The following DLGAP1 variants were observed in gnomAD, a reference collection of about 807,000 sequenced individuals.
DLGAP1 encodes disks large-associated protein 1.
DLGAP1 carries 11 observed loss-of-function variants against 90.8 expected under a neutral mutation model. That is an observed-to-expected ratio of 0.12 (90% CI 0.08 to 0.20). The LOEUF (loss-of-function observed/expected upper bound fraction) is 0.20. Ranked by LOEUF, DLGAP1 falls within the 10% of genes least tolerant of loss-of-function variation. The pLI is 1.00. For synonymous variants in DLGAP1, 558 were observed against 540.7 expected, an observed-to-expected ratio of 1.03 and a Z score of -0.44; for missense variants, 1,050 against 1,333.8, an observed-to-expected ratio of 0.79 and a Z score of 3.31.
At chr18:4,430,107 G>A (rs2083251787) in intron 1 of DLGAP1, among the ~76,000 whole-genome samples, 5 of 152,212 alleles carry the variant, frequency 3.3e-5, no homozygotes, top group African/African-American at 4.8e-5. Context: ...TCATCATGGA[G>A]GACAGGAGGG....
chr18:3,978,930 A>G lies in DLGAP1; in HGVS notation c.-73+26186T>C, dbSNP rs138370481. Among the ~76,000 whole-genome samples the G allele has an allele frequency of 5.3e-5, 8 of 152,320 alleles. No homozygotes were observed. In the East Asian group the frequency reaches 1.4e-3, roughly 26 times the overall value. On this transcript the variant is annotated intron_variant, in intron 3 of 12. Transcript: ENST00000315677. ...TGAAGAGTACGTGGAAAGTGTACGTAGGTAAATCCACCTCTCTGGTGAAAT... is the reference window on the plus strand; with the variant it reads ...TGAAGAGTACGTGGAAAGTGTACGTGGGTAAATCCACCTCTCTGGTGAAAT...
At chr18:4,005,511 AT>A (rs1354884978) in intron 2 of DLGAP1, among the ~76,000 whole-genome samples, 4 of 152,154 alleles carry the variant, frequency 2.6e-5, no homozygotes, top group Non-Finnish European at 5.9e-5. Context: ...CAGTTCAATT[AT>A]TTATTCAACA....
chr18:3,510,978 GC>G (rs1210630403), intron 10 of DLGAP1, among the ~76,000 whole-genome samples: 1 of 152,178 alleles, frequency 6.6e-6, no homozygotes, highest in African/African-American at 2.4e-5. Context: ...GCATGGCCTG[GC>G]AAGAGCCCTG....
rs1034496115 is a variant in DLGAP1 at position 4,454,190 on chromosome 18, G to C, written c.-267+816C>G. ...GGGTCTTCATCGCCGCGGGCCCTCC[G>C]AAGGTGCCTCTCCCAGCTGCAGCCG... On this transcript the variant is annotated intron_variant, in intron 1 of 12. Coordinates refer to ENST00000315677, the MANE Select transcript of DLGAP1 (RefSeq NM_004746.4). This position sits in a 1 kb window ranked among gnomAD's most constrained non-coding sequence, Gnocchi z 4.7. 6.6e-6 allele frequency among the ~76,000 whole-genome samples: 1 copy of C among 152,236 alleles called. No homozygotes were observed. The highest frequency in any genetic ancestry group is 1.9e-4 in the East Asian group (1 of 5,178).
chr18:4,114,871 T>C (rs1367987180), intron 2 of DLGAP1, among the ~76,000 whole-genome samples: 3 of 152,104 alleles, frequency 2.0e-5, no homozygotes, highest in Non-Finnish European at 2.9e-5. Flanking sequence ...CTGTAGAGAG[T>C]ATATAGTTGG....
chr18:4,042,693 T>C (rs2074993789), intron 2 of DLGAP1, among the ~76,000 whole-genome samples: 1 of 152,174 alleles, frequency 6.6e-6, no homozygotes, highest in African/African-American at 2.4e-5. Flanking sequence ...TAAGCCGAGA[T>C]CATGCCACCG....
intron 2 of DLGAP1, among the ~76,000 whole-genome samples, chr18:4,057,683 C>A (rs1467006740): frequency 6.6e-6 from 1 of 152,198 alleles, no homozygotes; most frequent in African/African-American, 2.4e-5. Flanking sequence ...CTCTCTTTCT[C>A]TCTCTGCTTT....
intron 1 of DLGAP1, among the ~76,000 whole-genome samples, chr18:4,353,722 T>G (rs2081446736): frequency 6.6e-6 from 1 of 150,924 alleles, no homozygotes; most frequent in African/African-American, 2.4e-5. Flanking sequence ...TATAAACATA[T>G]AATTTATGTA....
intron 7 of DLGAP1, among the ~76,000 whole-genome samples, chr18:3,691,491 C>G (rs1455537359): frequency 6.6e-6 from 1 of 151,366 alleles, no homozygotes; most frequent in Non-Finnish European, 1.5e-5. Flanking sequence ...AGCAAGTAAG[C>G]TTTTTTATTA....
At chr18:4,112,021 T>C (rs1335154262) in intron 2 of DLGAP1, among the ~76,000 whole-genome samples, 2 of 151,712 alleles carry the variant, frequency 1.3e-5, no homozygotes, top group South Asian at 2.1e-4. Context: ...AGATGGAAGA[T>C]GGTTATTTAT....
intron 2 of DLGAP1, among the ~76,000 whole-genome samples, chr18:4,067,845 T>C (rs959599171): frequency 3.9e-5 from 6 of 152,132 alleles, no homozygotes; most frequent in Non-Finnish European, 7.4e-5. Context: ...CGAATCAATG[T>C]ACACCTTACA....
At chr18:3,774,818 A>C (rs2064865268) in intron 5 of DLGAP1, among the ~76,000 whole-genome samples, 1 of 152,128 alleles carries the variant, frequency 6.6e-6, no homozygotes, top group African/African-American at 2.4e-5. Flanking sequence ...CCAGTCTCTC[A>C]TCCTGGCTCT....
At position 3,943,346 on chromosome 18, in the gene DLGAP1, A is replaced by G. The variant is rs1438232063; in HGVS notation, c.-73+61770T>C. ...ATCGCCAGGCTTTGCTGACTTATTT[A>G]TAAAAGACTATTTTTATTTTGGTAT... On this transcript the variant is annotated intron_variant, in intron 3 of 12. Coordinates refer to ENST00000315677, the MANE Select transcript of DLGAP1 (RefSeq NM_004746.4). Among the ~76,000 whole-genome samples the G allele has an allele frequency of 3.3e-5, 5 of 152,246 alleles. No homozygotes were observed. In the East Asian group the frequency reaches 9.7e-4, roughly 29 times the overall value.
intron 7 of DLGAP1, among the ~76,000 whole-genome samples, chr18:3,716,570 T>A (rs1032295457): frequency 6.6e-6 from 1 of 152,004 alleles, no homozygotes. Flanking sequence ...AAGCGAAACA[T>A]GCACACCTCA....
At chr18:3,696,838 G>T (rs1009620066) in intron 7 of DLGAP1, among the ~76,000 whole-genome samples, 1 of 152,050 alleles carries the variant, frequency 6.6e-6, no homozygotes, top group African/African-American at 2.4e-5. Context: ...GGACTGTTTT[G>T]GTTGGTAGGC....
At chr18:3,848,966 G>C (rs1020731342) in intron 4 of DLGAP1, among the ~76,000 whole-genome samples, 2 of 152,126 alleles carry the variant, frequency 1.3e-5, no homozygotes, top group East Asian at 3.9e-4. Flanking sequence ...TGACCTCTGG[G>C]GCCCTGTGAC....
At chr18:4,219,500 T>C (rs1336960815) in intron 1 of DLGAP1, among the ~76,000 whole-genome samples, 1 of 152,120 alleles carries the variant, frequency 6.6e-6, no homozygotes, top group Non-Finnish European at 1.5e-5. Context: ...ATTTGTTTAT[T>C]TTTTATTTTG....
intron 10 of DLGAP1, among the ~76,000 whole-genome samples, chr18:3,524,832 A>C (rs2051495425): frequency 6.6e-6 from 1 of 152,162 alleles, no homozygotes; most frequent in Non-Finnish European, 1.5e-5. Context: ...CTTGCGGCAA[A>C]AATTTCCCCA....
intron 4 of DLGAP1, among the ~76,000 whole-genome samples, chr18:3,855,025 C>T (rs2069553203): frequency 6.6e-6 from 1 of 152,162 alleles, no homozygotes; most frequent in Non-Finnish European, 1.5e-5. Flanking sequence ...ATAGCAAAGT[C>T]ATGGAATCAA....
Sources: allele counts gnomAD v4.1 joint callset (sites outside exome capture counted in the v4.1 genomes callset), GRCh38; gene constraint gnomAD v4.1.1; non-coding constraint Gnocchi (gnomAD v3.1); transcripts MANE v1.5; gene names NCBI Gene and HGNC (gene_info 2026-07-23, HGNC 2026-07-21).